The following ANKRD44 variants were observed in gnomAD, a reference collection of about 807,000 sequenced individuals.
The protein encoded by ANKRD44 is ankyrin repeat domain 44.
Under a neutral mutation model 116.0 loss-of-function variants are expected in ANKRD44, and 35 were observed. The observed-to-expected ratio is 0.30, with a 90% CI of 0.23 to 0.40. ANKRD44 has a LOEUF of 0.40. Ranked by LOEUF, ANKRD44 falls within the 10% of genes least tolerant of loss-of-function variation. ANKRD44 has a pLI of 1.00. For missense variants in ANKRD44, 1,014 were observed against 1,242.6 expected (o/e 0.82, Z 2.77); for synonymous variants, 435 against 461.8 (o/e 0.94, Z 0.74).
At chr2:197,125,177 T>C (rs2078947095) in intron 6 of ANKRD44, among the ~76,000 whole-genome samples, 2 of 152,364 alleles carry the variant, frequency 1.3e-5, no homozygotes, top group South Asian at 2.1e-4. Context: ...TCCTCTTCTT[T>C]GTAGGATAAA....
intron 21 of ANKRD44, among the ~76,000 whole-genome samples, chr2:197,004,555 T>C (rs142993317): frequency 6.6e-6 from 1 of 152,230 alleles, no homozygotes; most frequent in African/African-American, 2.4e-5. Flanking sequence ...GAAATGCAAA[T>C]TGAAACAAGA....
At chr2:197,025,081 C>T (rs1465387463) in intron 17 of ANKRD44, 115 bp downstream of exon 17, 10 of 1,048,656 alleles carry the variant, frequency 9.5e-6, no homozygotes, top group Non-Finnish European at 1.4e-5. Context: ...CCACGGACTA[C>T]TTTCACTACC....
intron 16 of ANKRD44, among the ~76,000 whole-genome samples, chr2:197,063,806 A>C (rs7422227): frequency 0.72 from 108,741 of 152,080 alleles, 40,461 homozygotes; most frequent in East Asian, 0.86. Context: ...GACTATGTGA[A>C]AAGACCAAAT....
At chr2:197,123,100 A>G (rs554672912) in intron 6 of ANKRD44, among the ~76,000 whole-genome samples, 1 of 152,220 alleles carries the variant, frequency 6.6e-6, no homozygotes, top group African/African-American at 2.4e-5. Context: ...ATTAGTAGAG[A>G]GCCTTTAAAA....
chr2:197,107,005 A>C (rs1350073995), intron 9 of ANKRD44, among the ~76,000 whole-genome samples: 1 of 152,244 alleles, frequency 6.6e-6, no homozygotes, highest in East Asian at 1.9e-4. Flanking sequence ...AAATCTCTTT[A>C]CCGTTTGTCA....
intron 1 of ANKRD44, among the ~76,000 whole-genome samples, chr2:197,307,064 G>T (rs893419144): frequency 5.3e-5 from 8 of 152,136 alleles, no homozygotes; most frequent in Admixed American, 5.2e-4. Flanking sequence ...CACTTAAAAT[G>T]ACTACAGTGC....
At chr2:197,208,786 C>A (rs577919237) in intron 1 of ANKRD44, among the ~76,000 whole-genome samples, 1 of 151,416 alleles carries the variant, frequency 6.6e-6, no homozygotes, top group East Asian at 1.9e-4. Flanking sequence ...GGCGACAGAG[C>A]GAGACTCTGT....
At chr2:197,169,921 G>A (rs2080187540) in intron 2 of ANKRD44, among the ~76,000 whole-genome samples, 1 of 152,066 alleles carries the variant, frequency 6.6e-6, no homozygotes, top group Non-Finnish European at 1.5e-5. Context: ...CCAGGTACGT[G>A]GTTCATGCCT....
intron 17 of ANKRD44, among the ~76,000 whole-genome samples, chr2:197,018,110 G>A (rs1249467072): frequency 1.3e-5 from 2 of 152,130 alleles, no homozygotes; most frequent in Non-Finnish European, 2.9e-5. Flanking sequence ...TCACCAACCT[G>A]TTTTGCCAGG....
intron 8 of ANKRD44, among the ~76,000 whole-genome samples, chr2:197,120,109 T>C (rs2078817061): frequency 6.6e-6 from 1 of 152,206 alleles, no homozygotes; most frequent in Non-Finnish European, 1.5e-5. Flanking sequence ...CAATTGCTTC[T>C]TAGAGTTTGC....
intron 16 of ANKRD44, among the ~76,000 whole-genome samples, chr2:197,042,323 A>ATCC (rs2076925031): frequency 6.6e-6 from 1 of 152,098 alleles, no homozygotes; most frequent in Admixed American, 6.5e-5. Context: ...TTTAGACCAT[A>ATCC]TCCCAGTCCT....
Position 197,000,403 on chromosome 2 carries a change from G to A in ANKRD44, c.2519+16C>T. ...AGATTCATCAAGAAAAAAGCATGCT[G>A]TTTTAGATTACTTACCTGCCTTTGT... is the stretch of plus-strand genomic sequence containing the variant. On this transcript the variant is annotated intron_variant, in intron 23 of 27. Coordinates refer to ENST00000282272, the MANE Select transcript of ANKRD44 (RefSeq NM_001195144.2). 6.2e-7 allele frequency: 1 copy of A among 1,604,830 alleles called. No homozygotes were observed. The highest frequency in any genetic ancestry group is 8.5e-7 in the Non-Finnish European group (1 of 1,171,782).
At chr2:197,034,876 C>T (rs1337389346) in intron 16 of ANKRD44, among the ~76,000 whole-genome samples, 2 of 152,124 alleles carry the variant, frequency 1.3e-5, no homozygotes, top group East Asian at 1.9e-4. Context: ...TTTTCAGCTG[C>T]CTTATTTGTA....
intron 1 of ANKRD44, among the ~76,000 whole-genome samples, chr2:197,236,845 G>T (rs1346994964): frequency 6.6e-6 from 1 of 152,174 alleles, no homozygotes; most frequent in Non-Finnish European, 1.5e-5. Flanking sequence ...AGCACACAGT[G>T]AGGGAGAAGG....
intron 1 of ANKRD44, among the ~76,000 whole-genome samples, chr2:197,286,862 T>A (rs1266250426): frequency 6.6e-6 from 1 of 152,138 alleles, no homozygotes; most frequent in African/African-American, 2.4e-5. Context: ...TTAAAAGAAT[T>A]TATCCAACGG....
chr2:197,066,556 A>G lies in ANKRD44; in HGVS notation c.1650+12147T>C, dbSNP rs191338747. Reference sequence around the variant, plus strand: ...TTAGAAAACCCCATCGTCTCAGCCCAAACTCTCCTTAAGCTGATAAGCAAC... The same window carrying G: ...TTAGAAAACCCCATCGTCTCAGCCCGAACTCTCCTTAAGCTGATAAGCAAC... On this transcript the variant is annotated intron_variant, in intron 16 of 27. Transcript: ENST00000282272. 3.2e-3 allele frequency among the ~76,000 whole-genome samples: 495 copies of G among 152,370 alleles called. 3 individuals carry two copies. The highest frequency in any genetic ancestry group is 0.011 in the African/African-American group (454 of 41,582).
intron 16 of ANKRD44, among the ~76,000 whole-genome samples, chr2:197,059,944 C>T (rs537591285): frequency 4.3e-4 from 65 of 152,156 alleles, no homozygotes; most frequent in Non-Finnish European, 8.2e-4. Flanking sequence ...ACTTCTATTC[C>T]ACATTCACAC....
intron 1 of ANKRD44, among the ~76,000 whole-genome samples, chr2:197,291,709 A>G (rs891496804): frequency 3.3e-5 from 5 of 152,168 alleles, no homozygotes; most frequent in African/African-American, 1.2e-4. Context: ...GTTCTAGGGT[A>G]CATGTGCACA....
At chr2:197,167,976 A>C (rs2080137059) in intron 2 of ANKRD44, among the ~76,000 whole-genome samples, 1 of 152,206 alleles carries the variant, frequency 6.6e-6, no homozygotes, top group Non-Finnish European at 1.5e-5. Context: ...TCAGAGATTC[A>C]AGAGTTTTGC....
Sources: allele counts gnomAD v4.1 joint callset (sites outside exome capture counted in the v4.1 genomes callset), GRCh38; gene constraint gnomAD v4.1.1; transcripts MANE v1.5; gene names NCBI Gene and HGNC (gene_info 2026-07-23, HGNC 2026-07-21).